The following FBXW4 variants were observed in gnomAD, a reference collection of about 807,000 sequenced individuals.
The protein encoded by FBXW4 is F-box/WD repeat-containing protein 4.
In FBXW4, 40 loss-of-function variants were observed where a neutral mutation model predicts 61.8. That is an observed-to-expected ratio of 0.65 (90% CI 0.50 to 0.84). The LOEUF (loss-of-function observed/expected upper bound fraction) is 0.84. Ranked by LOEUF, FBXW4 falls within the 40% of genes least tolerant of loss-of-function variation. The pLI, the probability that FBXW4 is intolerant of heterozygous loss-of-function variation, is 0.00. For missense variants in FBXW4, 672 were observed against 753.8 expected (o/e 0.89, Z 1.27); for synonymous variants, 311 against 313.8 (o/e 0.99, Z 0.10).
At chr10:101,678,734 A>T (rs1234451124) in intron 1 of FBXW4, among the ~76,000 whole-genome samples, 1 of 151,994 alleles carries the variant, frequency 6.6e-6, no homozygotes, top group Non-Finnish European at 1.5e-5. Context: ...GGCGAGATAC[A>T]CTCATTTATT....
Position 101,694,696 on chromosome 10 carries a change from C to G in FBXW4, c.410G>C (p.Arg137Thr). ...AGCCTGACCCCCTCGTCCCTGTGCT[C>G]TTCCCGGCCTGGCGCCCTCCCGCCG... The part of the protein sequence containing the change: ...ARRREGARPG[R>T]AQGRGGQAWA... Residue 137 changes from arginine (R) to threonine (T), a missense_variant, in exon 1 of 9, where the codon AGA becomes ACA. By Grantham distance (71) the Arg-to-Thr change is moderately conservative. This residue lies in a region of FBXW4 where 311 missense variants were observed against 301.1 expected (regional missense o/e 1.03). Transcript: ENST00000331272. The surrounding 1 kb of genome is among the most constrained non-coding windows in gnomAD (Gnocchi z 6.0). 1 of 1,376,926 alleles carries G rather than the reference C, an allele frequency of 7.3e-7. No homozygotes were observed. The allele number at this position is 1,376,926 out of a possible 1,614,324, so 85.3% of individuals were successfully genotyped here. A position where few individuals can be genotyped will look rare whatever the true frequency, so the allele number is the denominator to read the frequency against.
intron 6 of FBXW4, chr10:101,623,003 T>A (rs1438099948): frequency 6.6e-6 from 1 of 152,214 alleles, no homozygotes; most frequent in East Asian, 1.9e-4. Context: ...AACAGACGTT[T>A]CGCCAAAGAG....
chr10:101,655,733 G>C (rs976058631), intron 5 of FBXW4, among the ~76,000 whole-genome samples: 1 of 152,250 alleles, frequency 6.6e-6, no homozygotes, highest in Admixed American at 6.5e-5. Flanking sequence ...GGGAGAAAGA[G>C]ACAGTGAGTC....
chr10:101,612,407 A>G lies in FBXW4; in HGVS notation c.1372T>C (p.Ser458Pro). ...GAGVLDVMYE[S>P]PFTLLSCGYD... ...CCACAGGACAGCAGTGTGAAAGGGG[A>G]CTCATACATGACATCCAGCACCCCA... The change falls in exon 7 of 9, where the codon TCC becomes CCC. Residue 458 changes from serine (S) to proline (P), a missense_variant. Coordinates refer to ENST00000331272, the MANE Select transcript of FBXW4 (RefSeq NM_022039.4). 6.3e-7 allele frequency: 1 copy of G among 1,599,762 alleles called. No individual in the cohort carries two copies. Among genetic ancestry groups the G allele is most frequent in the Non-Finnish European group, 8.5e-7 (1 of 1,172,858 alleles).
Position 101,694,529 on chromosome 10 carries a change from G to T in FBXW4, c.577C>A (p.Leu193Ile), listed in dbSNP as rs2134932436. 1 of 1,501,586 alleles carries T rather than the reference G, an allele frequency of 6.7e-7. No homozygotes were observed. The highest frequency in any genetic ancestry group is 8.8e-7 in the Non-Finnish European group (1 of 1,134,172). 93.0% of individuals were successfully genotyped at this position (1,501,586 alleles called of 1,614,324 possible). ...CGCATGTCCAGGTAGGAGCAGATGAGCAGCAGCAGCTCCTCCGGCAGGCGC... is the reference window on the plus strand; with the variant it reads ...CGCATGTCCAGGTAGGAGCAGATGATCAGCAGCAGCTCCTCCGGCAGGCGC... Reference protein sequence around the residue: ...LWRLPEELLLLICSYLDMRAL... With the variant: ...LWRLPEELLLIICSYLDMRAL... The change falls in exon 1 of 9, where the codon CTC becomes ATC. Residue 193 changes from leucine to isoleucine, a missense_variant. Coordinates refer to ENST00000331272, the MANE Select transcript of FBXW4 (RefSeq NM_022039.4). The surrounding 1 kb of genome is among the most constrained non-coding windows in gnomAD (Gnocchi z 6.0).
At chr10:101,643,520 G>A (rs1217587925) in intron 5 of FBXW4, among the ~76,000 whole-genome samples, 2 of 152,236 alleles carry the variant, frequency 1.3e-5, no homozygotes, top group African/African-American at 2.4e-5. Flanking sequence ...GCAGGCATAT[G>A]CACGCTTTGC....
intron 5 of FBXW4, among the ~76,000 whole-genome samples, chr10:101,645,538 C>A (rs1242880654): frequency 6.6e-6 from 1 of 152,204 alleles, no homozygotes; most frequent in Non-Finnish European, 1.5e-5. Flanking sequence ...GGACTCATCA[C>A]CCCTTTCACA....
At chr10:101,638,388 A>T (rs2064022577) in intron 5 of FBXW4, among the ~76,000 whole-genome samples, 1 of 152,116 alleles carries the variant, frequency 6.6e-6, no homozygotes, top group African/African-American at 2.4e-5. Context: ...AACAAAGCAG[A>T]ACCATATATC....
intron 4 of FBXW4, among the ~76,000 whole-genome samples, chr10:101,670,674 C>T (rs1361569571): frequency 6.6e-6 from 1 of 152,214 alleles, no homozygotes; most frequent in Non-Finnish European, 1.5e-5. Context: ...TGTACCAAGC[C>T]TCACACACAG....
chr10:101,642,915 C>T (rs1256376138), intron 5 of FBXW4, among the ~76,000 whole-genome samples: 1 of 152,152 alleles, frequency 6.6e-6, no homozygotes, highest in Non-Finnish European at 1.5e-5. Context: ...TCTGGGGGTA[C>T]GCACATACAT....
intron 5 of FBXW4, among the ~76,000 whole-genome samples, chr10:101,663,296 A>G (rs2064263590): frequency 1.3e-5 from 2 of 152,182 alleles, no homozygotes; most frequent in Admixed American, 1.3e-4. Flanking sequence ...ACTGAATAAG[A>G]TCCTTGGGGA....
chr10:101,654,348 T>C (rs1183869885), intron 5 of FBXW4, among the ~76,000 whole-genome samples: 2 of 152,118 alleles, frequency 1.3e-5, no homozygotes, highest in African/African-American at 2.4e-5. Context: ...AATTGTACAC[T>C]TAAATTGTAC....
At chr10:101,626,172 A>T (rs2063905865) in intron 5 of FBXW4, 1 of 152,564 alleles carries the variant, frequency 6.6e-6, no homozygotes, top group African/African-American at 2.4e-5. Context: ...ATGCCCCATC[A>T]TCCTAGCTTC....
chr10:101,638,613 C>T (rs564615971), intron 5 of FBXW4, among the ~76,000 whole-genome samples: 1 of 151,986 alleles, frequency 6.6e-6, no homozygotes, highest in Admixed American at 6.6e-5. Context: ...TTATGTATCA[C>T]TTATGTATAA....
intron 1 of FBXW4, among the ~76,000 whole-genome samples, chr10:101,690,925 CCAAA>C (rs2064593467): frequency 1.3e-5 from 2 of 152,048 alleles, no homozygotes; most frequent in African/African-American, 2.4e-5. Flanking sequence ...AGAGGAGAAC[CCAAA>C]CAATTAAAAA....
At chr10:101,685,696 T>TA (rs959679681) in intron 1 of FBXW4, among the ~76,000 whole-genome samples, 3 of 152,178 alleles carry the variant, frequency 2.0e-5, no homozygotes, top group Admixed American at 1.3e-4. Flanking sequence ...CTTGCTTTTT[T>TA]AAAAAAAAAT....
intron 5 of FBXW4, among the ~76,000 whole-genome samples, chr10:101,635,431 C>T (rs893932675): frequency 2.5e-4 from 38 of 150,854 alleles, no homozygotes; most frequent in African/African-American, 8.6e-4. Context: ...CTCCCACCCC[C>T]GAGGCTATGG....
intron 5 of FBXW4, among the ~76,000 whole-genome samples, chr10:101,653,646 G>A (rs1041282204): frequency 1.3e-5 from 2 of 152,158 alleles, no homozygotes; most frequent in African/African-American, 2.4e-5. Flanking sequence ...CTGATTTCCT[G>A]TCAATAACCC....
At chr10:101,620,735 C>G (rs2134811028) in intron 6 of FBXW4, among the ~76,000 whole-genome samples, 1 of 152,330 alleles carries the variant, frequency 6.6e-6, no homozygotes, top group East Asian at 1.9e-4. Flanking sequence ...GCCTCAGTCT[C>G]TCAAAGTGCT....
Sources: allele counts gnomAD v4.1 joint callset (sites outside exome capture counted in the v4.1 genomes callset), GRCh38; gene constraint gnomAD v4.1.1; regional missense constraint gnomAD v4.1.1; non-coding constraint Gnocchi (gnomAD v3.1); transcripts MANE v1.5; gene names NCBI Gene and HGNC (gene_info 2026-07-23, HGNC 2026-07-21).